TASP1: variants seen among roughly 807,000 people sequenced by gnomAD.
TASP1 encodes the protein threonine aspartase 1.
Under a neutral mutation model 56.6 loss-of-function variants are expected in TASP1, and 16 were observed. The ratio of observed to expected loss-of-function variants is 0.28; its 90% CI spans 0.19 to 0.43. The LOEUF is 0.43. TASP1 is among the 20% of genes least tolerant of loss of function. The pLI, the probability that TASP1 is intolerant of heterozygous loss-of-function variation, is 1.00. For missense variants in TASP1, 393 were observed against 511.6 expected (o/e 0.77, Z 2.24); for synonymous variants, 179 against 184.2 (o/e 0.97, Z 0.23).
chr20:13,393,324 G>A, intron 13 of TASP1: 2 of 758,670 alleles, frequency 2.6e-6, no homozygotes, highest in East Asian at 2.7e-5. Flanking sequence ...CAAGGCTGTG[G>A]GCAAGGTCAT....
the TASP1 span, among the ~76,000 whole-genome samples, chr20:13,366,596 T>C: frequency 6.6e-6 from 1 of 152,132 alleles, no homozygotes; most frequent in Non-Finnish European, 1.5e-5. Flanking sequence ...CCCAACATCT[T>C]CCTAGCCGCC....
the TASP1 span, among the ~76,000 whole-genome samples, chr20:13,136,597 C>G: frequency 0.023 from 2,812 of 124,830 alleles, 32 homozygotes; most frequent in South Asian, 0.039. Context: ...GAGACCTCAT[C>G]TAAAAACATA....
the TASP1 span, among the ~76,000 whole-genome samples, chr20:13,195,244 A>G: frequency 3.5e-3 from 528 of 152,316 alleles, 4 homozygotes; most frequent in African/African-American, 0.012. Flanking sequence ...AAGTTTCTGG[A>G]TGAATTTCCA....
chr20:13,384,723 C>T (rs574871097), downstream of TASP1, among the ~76,000 whole-genome samples: 3 of 152,354 alleles, frequency 2.0e-5, no homozygotes, highest in African/African-American at 4.8e-5. Flanking sequence ...CATTTACCTA[C>T]TCATACTTCC....
At chr20:13,153,986 C>T in the TASP1 span, 83 of 1,612,454 alleles carry the variant, frequency 5.1e-5, no homozygotes, top group African/African-American at 9.3e-5. Context: ...ATGGATTTCA[C>T]GCCTGTCTCT....
At chr20:13,502,882 C>G (rs1176254169) in intron 10 of TASP1, among the ~76,000 whole-genome samples, 1 of 152,116 alleles carries the variant, frequency 6.6e-6, no homozygotes, top group Non-Finnish European at 1.5e-5. Context: ...ACTGAAGAGA[C>G]TAAGAAGAGG....
chr20:13,620,757 C>T lies in TASP1; in HGVS notation c.282+2689G>A, dbSNP rs113924369. On this transcript the variant is annotated intron_variant, in intron 4 of 13. Coordinates refer to ENST00000337743, the MANE Select transcript of TASP1 (RefSeq NM_017714.3). ...ATAACACATTGTTAATACAGCTCTC[C>T]AGAATTTTTCTCAGCACTTTTCAGT... Among the ~76,000 whole-genome samples, 1,292 of 152,284 alleles carry T rather than the reference C, an allele frequency of 8.5e-3. 23 individuals carry two copies. Among genetic ancestry groups the T allele is most frequent in the African/African-American group, 0.029 (1,218 of 41,556 alleles).
chr20:13,331,862 T>A, the TASP1 span, among the ~76,000 whole-genome samples: 1 of 152,190 alleles, frequency 6.6e-6, no homozygotes, highest in South Asian at 2.1e-4. Flanking sequence ...CCATGCAATA[T>A]TCTGTGACCA....
intron 12 of TASP1, among the ~76,000 whole-genome samples, chr20:13,426,754 GTTAC>G (rs1321231389): frequency 1.3e-5 from 2 of 152,074 alleles, no homozygotes; most frequent in Non-Finnish European, 2.9e-5. Flanking sequence ...TTGCATCTAA[GTTAC>G]TTACTGTTCT....
the TASP1 span, among the ~76,000 whole-genome samples, chr20:13,365,344 T>C: frequency 6.6e-6 from 1 of 152,198 alleles, no homozygotes; most frequent in African/African-American, 2.4e-5. Flanking sequence ...TCACGGAGCA[T>C]ATACTCTAAT....
the TASP1 span, among the ~76,000 whole-genome samples, chr20:13,266,466 A>G: frequency 1.3e-5 from 2 of 152,298 alleles, no homozygotes; most frequent in East Asian, 3.9e-4. Context: ...TCTCAGTGGT[A>G]GTCACAGCTC....
intron 4 of TASP1, among the ~76,000 whole-genome samples, chr20:13,590,445 C>T (rs1267437000): frequency 6.6e-6 from 1 of 152,030 alleles, no homozygotes; most frequent in African/African-American, 2.4e-5. Context: ...GCAGAAATGA[C>T]AACAATGACC....
At chr20:13,182,136 T>C in the TASP1 span, among the ~76,000 whole-genome samples, 1 of 152,210 alleles carries the variant, frequency 6.6e-6, no homozygotes, top group Non-Finnish European at 1.5e-5. Context: ...GAAACCAGAC[T>C]AAGCCCTGCC....
intron 8 of TASP1, among the ~76,000 whole-genome samples, chr20:13,553,041 T>C (rs2046031662): frequency 1.3e-5 from 2 of 152,124 alleles, no homozygotes; most frequent in Admixed American, 6.6e-5. Context: ...GCTCAAGCTA[T>C]CCTCCCACCT....
the TASP1 span, among the ~76,000 whole-genome samples, chr20:13,330,949 C>A: frequency 1.3e-5 from 2 of 151,938 alleles, no homozygotes; most frequent in Admixed American, 6.6e-5. Flanking sequence ...CTCAAAGAAC[C>A]AGCTTTTGGT....
chr20:13,594,352 A>G (rs1041942337), intron 4 of TASP1, among the ~76,000 whole-genome samples: 1 of 152,238 alleles, frequency 6.6e-6, no homozygotes, highest in African/African-American at 2.4e-5. Flanking sequence ...CCAGCAATGG[A>G]ACAAAGCTGG....
At chr20:13,112,559 G>C in the TASP1 span, among the ~76,000 whole-genome samples, 101 of 152,324 alleles carry the variant, frequency 6.6e-4, no homozygotes, top group African/African-American at 2.4e-3. Flanking sequence ...AAGCTTTGCA[G>C]GCAGCCATCT....
intron 12 of TASP1, among the ~76,000 whole-genome samples, chr20:13,434,638 C>T (rs1177235385): frequency 6.6e-6 from 1 of 152,152 alleles, no homozygotes; most frequent in Admixed American, 6.5e-5. Context: ...CAGGACTGAC[C>T]TCTAAGGCCA....
At chr20:13,320,936 T>G in the TASP1 span, among the ~76,000 whole-genome samples, 2 of 152,250 alleles carry the variant, frequency 1.3e-5, no homozygotes, top group African/African-American at 4.8e-5. Context: ...CAGTGGCTCA[T>G]ACCTGTAATC....
Sources: gnomAD v4.1 joint callset for allele counts (sites outside exome capture counted in the v4.1 genomes callset) on GRCh38, gnomAD v4.1.1 for gene constraint, MANE v1.5 for transcripts, NCBI Gene and HGNC (gene_info 2026-07-23, HGNC 2026-07-21) for gene names.